The following GPHN variants were observed in gnomAD, a reference collection of about 807,000 sequenced individuals.
GPHN encodes the protein gephyrin.
Under a neutral mutation model 95.5 loss-of-function variants are expected in GPHN, and 17 were observed. The observed-to-expected ratio is 0.18, with a 90% CI of 0.12 to 0.27. GPHN has a LOEUF of 0.27. Ranked by LOEUF, GPHN falls within the 10% of genes least tolerant of loss-of-function variation. GPHN has a pLI of 1.00. For missense variants in GPHN, 660 were observed against 978.1 expected (o/e 0.67, Z 4.34); for synonymous variants, 320 against 322.5 (o/e 0.99, Z 0.08).
the GPHN span, among the ~76,000 whole-genome samples, chr14:67,683,883 C>A: frequency 6.6e-6 from 1 of 152,138 alleles, no homozygotes; most frequent in African/African-American, 2.4e-5. Flanking sequence ...CTTTGGAATC[C>A]AAGAACCCTA....
intron 3 of GPHN, among the ~76,000 whole-genome samples, chr14:66,802,316 C>G (rs1308331133): frequency 6.6e-6 from 1 of 152,126 alleles, no homozygotes; most frequent in Non-Finnish European, 1.5e-5. Context: ...GCTCTTCTAT[C>G]AGTCTGTGGT....
intron 4 of GPHN, among the ~76,000 whole-genome samples, chr14:66,857,989 G>A (rs1467376739): frequency 1.3e-5 from 2 of 152,194 alleles, no homozygotes; most frequent in Admixed American, 6.5e-5. Flanking sequence ...CCTACACAGA[G>A]GGGAACCACT....
In GPHN at chr14:66,763,130, C is replaced by G. The variant is rs112267696; in HGVS notation, c.144-13334C>G. 3.1e-3 allele frequency among the ~76,000 whole-genome samples: 467 copies of G among 152,074 alleles called. 11 individuals carry two copies. The highest frequency in any genetic ancestry group is 0.011 in the African/African-American group (443 of 41,512). Reference sequence around the variant, plus strand: ...TCCTCCACATCCATGGGCTCCACATCTGTGAATTCAAACAACTGCAGTTCA... The same window carrying G: ...TCCTCCACATCCATGGGCTCCACATGTGTGAATTCAAACAACTGCAGTTCA... On this transcript the variant is annotated intron_variant, in intron 2 of 22. Transcript: ENST00000478722.
intron 4 of GPHN, among the ~76,000 whole-genome samples, chr14:66,839,583 T>C (rs546453095): frequency 6.6e-6 from 1 of 152,314 alleles, no homozygotes; most frequent in East Asian, 1.9e-4. Context: ...AGAATATAAT[T>C]GTTAGTTTTG....
intron 2 of GPHN, among the ~76,000 whole-genome samples, chr14:66,763,495 G>T (rs186153300): frequency 0.012 from 1,797 of 148,496 alleles, 16 homozygotes; most frequent in Non-Finnish European, 0.018. Flanking sequence ...GCGGTGTTTG[G>T]TTTTTTGTTC....
intron 8 of GPHN, among the ~76,000 whole-genome samples, chr14:66,939,421 G>A (rs2067291932): frequency 1.3e-5 from 2 of 152,058 alleles, no homozygotes; most frequent in Non-Finnish European, 2.9e-5. Flanking sequence ...TAGGCATGTG[G>A]ACACATTGTA....
At chr14:67,279,404 A>T in the GPHN span, 1 of 1,614,004 alleles carries the variant, frequency 6.2e-7, no homozygotes, top group East Asian at 2.2e-5. Flanking sequence ...AAAAGCAAGA[A>T]CTTGACCTTA....
intron 15 of GPHN, 56 bp from the exon 16 acceptor site, chr14:67,112,962 G>T: frequency 6.5e-7 from 1 of 1,548,776 alleles, no homozygotes; most frequent in Non-Finnish European, 8.9e-7. Flanking sequence ...TTCCCTCTGA[G>T]TTGAGAAAAT....
the GPHN span, among the ~76,000 whole-genome samples, chr14:67,272,604 A>C: frequency 1.4e-4 from 22 of 151,748 alleles, no homozygotes; most frequent in Non-Finnish European, 2.9e-5. Flanking sequence ...TCTCTTATTC[A>C]CTTTTTGCCC....
At chr14:67,508,611 A>G in the GPHN span, among the ~76,000 whole-genome samples, 99,859 of 151,284 alleles carry the variant, frequency 0.66, 34,270 homozygotes, top group Non-Finnish European at 0.77. Context: ...GGCCAGGTGT[A>G]GTTCTGCACC....
chr14:67,253,290 G>A, the GPHN span, among the ~76,000 whole-genome samples: 5 of 152,244 alleles, frequency 3.3e-5, no homozygotes, highest in Non-Finnish European at 7.3e-5. Context: ...TTAGATAAGA[G>A]ATAGGAGTTG....
the GPHN span, among the ~76,000 whole-genome samples, chr14:67,287,654 A>G: frequency 6.6e-6 from 1 of 152,242 alleles, no homozygotes; most frequent in East Asian, 1.9e-4. Context: ...GTATGTGTCA[A>G]AGTGTTAAAT....
At chr14:67,245,749 A>G in the GPHN span, among the ~76,000 whole-genome samples, 6 of 152,102 alleles carry the variant, frequency 3.9e-5, no homozygotes, top group African/African-American at 1.2e-4. Context: ...ATACTTCATT[A>G]CTTTTGAAGT....
chr14:67,135,534 T>C (rs922160058), intron 17 of GPHN, among the ~76,000 whole-genome samples: 2 of 152,218 alleles, frequency 1.3e-5, no homozygotes, highest in African/African-American at 4.8e-5. Flanking sequence ...TTCTAGTTTT[T>C]GGTATTGTAG....
At chr14:66,614,913 G>T (rs2062940262) in intron 1 of GPHN, among the ~76,000 whole-genome samples, 1 of 151,990 alleles carries the variant, frequency 6.6e-6, no homozygotes. Context: ...TCTCCTCTCT[G>T]GGTCCATGTG....
chr14:67,667,080 T>C, the GPHN span, among the ~76,000 whole-genome samples: 2 of 152,174 alleles, frequency 1.3e-5, no homozygotes, highest in Non-Finnish European at 2.9e-5. Context: ...CAGTCACATG[T>C]GAGGGACTCT....
the GPHN span, chr14:67,562,098 C>CG: frequency 6.2e-7 from 1 of 1,611,112 alleles, no homozygotes; most frequent in East Asian, 2.2e-5. Flanking sequence ...GGCTGAGCTA[C>CG]GGGAGCTCTC....
chr14:67,412,105 G>A, the GPHN span: 5 of 1,469,840 alleles, frequency 3.4e-6, no homozygotes, highest in Admixed American at 1.2e-4. Context: ...CCTTCCCCGC[G>A]CCTCGCGCTC....
chr14:66,874,738 C>T (rs992455459), intron 4 of GPHN, among the ~76,000 whole-genome samples: 6 of 152,126 alleles, frequency 3.9e-5, no homozygotes, highest in Admixed American at 2.0e-4. Context: ...AACAGAGCCT[C>T]CAAGAAATAT....
Sources: gnomAD v4.1 joint callset for allele counts (sites outside exome capture counted in the v4.1 genomes callset) on GRCh38, gnomAD v4.1.1 for gene constraint, MANE v1.5 for transcripts, NCBI Gene and HGNC (gene_info 2026-07-23, HGNC 2026-07-21) for gene names.